The following OSBPL6 variants were observed in gnomAD, a reference collection of about 807,000 sequenced individuals.
OSBPL6 encodes the protein oxysterol-binding protein-related protein 6.
Under a neutral mutation model 125.8 loss-of-function variants are expected in OSBPL6, and 49 were observed. The observed-to-expected ratio is 0.39, with a 90% CI of 0.31 to 0.49. OSBPL6 has a LOEUF of 0.49. Among genes scored for constraint, OSBPL6 ranks in the 20% least tolerant of loss-of-function variants. The pLI is 0.88. For synonymous variants in OSBPL6, 394 were observed against 391.8 expected, an observed-to-expected ratio of 1.01 and a Z score of -0.07; for missense variants, 986 against 1,135.4, an observed-to-expected ratio of 0.87 and a Z score of 1.89.
intron 1 of OSBPL6, among the ~76,000 whole-genome samples, chr2:178,197,522 G>A (rs2088972560): frequency 6.6e-6 from 1 of 152,100 alleles, no homozygotes; most frequent in African/African-American, 2.4e-5. Flanking sequence ...TGAAACCTCC[G>A]ATGGTGCCAA....
intron 1 of OSBPL6, among the ~76,000 whole-genome samples, chr2:178,281,871 G>A (rs1684222171): frequency 6.6e-6 from 1 of 152,106 alleles, no homozygotes; most frequent in Non-Finnish European, 1.5e-5. Flanking sequence ...CTAGGTGACG[G>A]GTTGATAGGT....
At chr2:178,226,857 G>T (rs946038146) in intron 1 of OSBPL6, among the ~76,000 whole-genome samples, 1 of 152,174 alleles carries the variant, frequency 6.6e-6, no homozygotes, top group Non-Finnish European at 1.5e-5. Context: ...AGCATTTAAT[G>T]TAAAAGAAAA....
chr2:178,334,239 G>A (rs1302540917), intron 8 of OSBPL6, among the ~76,000 whole-genome samples: 1 of 152,176 alleles, frequency 6.6e-6, no homozygotes, highest in African/African-American at 2.4e-5. Flanking sequence ...CTGAAATTGA[G>A]GGCAGAGAGG....
At position 178,372,021 on chromosome 2, in the gene OSBPL6, T is replaced by C. The variant is rs188634969; in HGVS notation, c.1288-105T>C. ...TCATGATGGCTTCAAAAGTTAGAGC[T>C]AAGAACATCACAGACATTATTGTCT... On this transcript the variant is annotated intron_variant, in intron 13 of 24. Transcript: ENST00000190611. 4.1e-4 allele frequency: 327 copies of C among 799,754 alleles called. No individual in the cohort carries two copies. In the African/African-American group the frequency reaches 4.8e-3, roughly 12 times the overall value. The allele number at this position is 799,754 out of a possible 1,614,324, so 49.5% of individuals were successfully genotyped here.
intron 2 of OSBPL6, among the ~76,000 whole-genome samples, chr2:178,285,464 TC>T (rs1684610456): frequency 6.6e-6 from 1 of 152,188 alleles, no homozygotes; most frequent in Non-Finnish European, 1.5e-5. Context: ...ATCCTTGCTT[TC>T]TTTATACACA....
chr2:178,291,810 C>CATCCATCCATCT (rs1004999708), intron 2 of OSBPL6, among the ~76,000 whole-genome samples: 1 of 142,848 alleles, frequency 7.0e-6, no homozygotes, highest in African/African-American at 2.5e-5. Context: ...TCCATCCATC[C>CATCCATCCATCT]ATCCATCCAT....
At chr2:178,378,070 T>G (rs529226196) in intron 15 of OSBPL6, among the ~76,000 whole-genome samples, 4 of 152,258 alleles carry the variant, frequency 2.6e-5, no homozygotes, top group African/African-American at 9.6e-5. Context: ...CTCAAGTGAT[T>G]CGCCTGCCTC....
At chr2:178,292,194 T>C (rs1320200207) in intron 2 of OSBPL6, among the ~76,000 whole-genome samples, 1 of 152,074 alleles carries the variant, frequency 6.6e-6, no homozygotes, top group Non-Finnish European at 1.5e-5. Flanking sequence ...TCTCAAAATA[T>C]CTTGTTCCCA....
intron 1 of OSBPL6, among the ~76,000 whole-genome samples, chr2:178,225,417 T>C (rs111322336): frequency 0.05 from 7,677 of 152,250 alleles, 260 homozygotes; most frequent in Middle Eastern, 0.11. Context: ...TAAAGTATGC[T>C]ATCCAAGGTA....
intron 1 of OSBPL6, among the ~76,000 whole-genome samples, chr2:178,206,599 G>GT (rs143610984): frequency 0.039 from 6,004 of 152,052 alleles, 283 homozygotes; most frequent in African/African-American, 0.11. Context: ...CTTACAGGAG[G>GT]TTTTTTTGTT....
At chr2:178,273,049 G>T (rs1386581270) in intron 1 of OSBPL6, among the ~76,000 whole-genome samples, 1 of 152,188 alleles carries the variant, frequency 6.6e-6, no homozygotes, top group Non-Finnish European at 1.5e-5. Flanking sequence ...GGCCTGAAAA[G>T]GATGGGATTT....
intron 1 of OSBPL6, among the ~76,000 whole-genome samples, chr2:178,257,233 A>G (rs2091915303): frequency 6.6e-6 from 1 of 152,222 alleles, no homozygotes; most frequent in African/African-American, 2.4e-5. Context: ...TGAATTATCC[A>G]GATCATTTAA....
intron 1 of OSBPL6, among the ~76,000 whole-genome samples, chr2:178,221,615 A>G (rs551320325): frequency 2.1e-3 from 313 of 152,364 alleles, no homozygotes; most frequent in Non-Finnish European, 3.7e-3. Flanking sequence ...ACAGTGATTT[A>G]GCTGATCATC....
chr2:178,306,359 T>C (rs1686760267), intron 3 of OSBPL6, 73 bp downstream of exon 3: 6 of 913,142 alleles, frequency 6.6e-6, no homozygotes, highest in Non-Finnish European at 1.1e-5. Flanking sequence ...ATGGGGTTGC[T>C]AATTAATTCT....
intron 18 of OSBPL6, among the ~76,000 whole-genome samples, chr2:178,384,458 T>C (rs1694755016): frequency 6.6e-6 from 1 of 152,192 alleles, no homozygotes; most frequent in African/African-American, 2.4e-5. Context: ...AATCAATATA[T>C]GTAAGATGTA....
intron 1 of OSBPL6, among the ~76,000 whole-genome samples, chr2:178,278,898 G>A (rs981224071): frequency 6.6e-6 from 1 of 152,206 alleles, no homozygotes; most frequent in African/African-American, 2.4e-5. Context: ...GTTGTACTGT[G>A]TATTGTGCTA....
chr2:178,329,024 G>A (rs1688955728), intron 5 of OSBPL6, among the ~76,000 whole-genome samples: 1 of 152,118 alleles, frequency 6.6e-6, no homozygotes, highest in African/African-American at 2.4e-5. Context: ...ACTTTGGATG[G>A]ATCTATATTA....
At chr2:178,382,546 T>G (rs747297875) in intron 16 of OSBPL6, 39 bp downstream of exon 16, 3 of 1,613,292 alleles carry the variant, frequency 1.9e-6, no homozygotes, top group Non-Finnish European at 2.5e-6. Flanking sequence ...TCTATCTACA[T>G]GCCAAATTGC....
At chr2:178,249,493 A>G (rs993632260) in intron 1 of OSBPL6, among the ~76,000 whole-genome samples, 2 of 152,146 alleles carry the variant, frequency 1.3e-5, no homozygotes, top group African/African-American at 4.8e-5. Context: ...CTTTGTATAT[A>G]TCTCTGATAT....
Sources: gnomAD v4.1 joint callset for allele counts (sites outside exome capture counted in the v4.1 genomes callset) on GRCh38, gnomAD v4.1.1 for gene constraint, MANE v1.5 for transcripts, NCBI Gene and HGNC (gene_info 2026-07-23, HGNC 2026-07-21) for gene names.